The following CAND1 variants were observed in gnomAD, a reference collection of about 807,000 sequenced individuals.
CAND1 encodes the protein cullin associated and neddylation dissociated 1, also known as cullin-associated NEDD8-dissociated protein 1.
A neutral mutation model predicts 108.5 loss-of-function variants in CAND1; 7 were observed. The ratio of observed to expected loss-of-function variants is 0.06; its 90% CI spans 0.04 to 0.12. The LOEUF (loss-of-function observed/expected upper bound fraction) is 0.12. Among genes scored for constraint, CAND1 ranks in the 10% least tolerant of loss-of-function variants. The probability of loss-of-function intolerance (pLI) is 1.00; values close to 1 mark genes in which losing one functional copy is unlikely to be tolerated. For synonymous variants in CAND1, 534 were observed against 512.0 expected (o/e 1.04, Z -0.58); for missense variants, 941 against 1,448.7 (o/e 0.65, Z 5.69).
chr12:67,276,889 T>G (rs2044574784), intron 1 of CAND1, among the ~76,000 whole-genome samples: 1 of 152,190 alleles, frequency 6.6e-6, no homozygotes, highest in African/African-American at 2.4e-5. Flanking sequence ...AATTTTTGAT[T>G]TTCACATCTT....
At chr12:67,269,824 C>G (rs1291989287) in intron 1 of CAND1, 39 bp downstream of exon 1, 1 of 1,554,120 alleles carries the variant, frequency 6.4e-7, no homozygotes, top group African/African-American at 1.4e-5. Flanking sequence ...CCTCGGGGTT[C>G]TCGCAGCCGC....
chr12:67,294,494 A>C (rs2136006756), intron 3 of CAND1, among the ~76,000 whole-genome samples: 1 of 152,330 alleles, frequency 6.6e-6, no homozygotes, highest in East Asian at 1.9e-4. Flanking sequence ...ACTCAAATAG[A>C]GAAAACTCTC....
chr12:67,311,785 A>G lies in CAND1; in HGVS notation c.3453A>G (p.Ala1151=). The stretch of plus-strand genomic sequence containing the variant: ...ACCGACTTGTTGAGCCATTACGTGC[A>G]ACATGTACAACTAAGGTAAGAAATG... The part of the protein sequence containing the change: ...RLDRLVEPLR[A]TCTTKVKANS... The change falls in exon 14 of 15, where the codon GCA becomes GCG. Residue 1151 remains alanine, a synonymous_variant. Transcript: ENST00000545606. 1 of 1,599,106 alleles carries G rather than the reference A, an allele frequency of 6.3e-7. No homozygotes were observed. Among genetic ancestry groups the G allele is most frequent in the South Asian group, 1.1e-5 (1 of 90,754 alleles).
chr12:67,302,421 A>C lies in CAND1; in HGVS notation c.1099A>C (p.Met367Leu). The C allele has an allele frequency of 6.2e-7, 1 of 1,614,128 alleles. No homozygotes were observed. Among genetic ancestry groups the C allele is most frequent in the Non-Finnish European group, 8.5e-7 (1 of 1,179,986 alleles). ...LDAVVSTRHE[M>L]LPEFYKTVSP... Reference sequence around the variant, plus strand: ...TGCTGTAGTTAGCACAAGGCATGAAATGCTTCCAGAATTCTACAAGACCGT... The same window carrying C: ...TGCTGTAGTTAGCACAAGGCATGAACTGCTTCCAGAATTCTACAAGACCGT... The change falls in exon 8 of 15, where the codon ATG (methionine) becomes CTG (leucine). Residue 367 changes from methionine (M) to leucine (L), a missense_variant. By Grantham distance (15) the Met-to-Leu change is conservative. This residue lies in a region of CAND1 where 697 missense variants were observed against 942.0 expected (regional missense o/e 0.74). Coordinates refer to ENST00000545606, the MANE Select transcript of CAND1 (RefSeq NM_018448.5).
rs1274631022 is a variant in CAND1 at position 67,312,865 on chromosome 12, C to T, written c.*35C>T. 7.7e-7 allele frequency: 1 copy of T among 1,296,696 alleles called. No homozygotes were observed. Among genetic ancestry groups the T allele is most frequent in the Non-Finnish European group, 1.1e-6 (1 of 915,734 alleles). The allele number at this position is 1,296,696 out of a possible 1,614,324, so 80.3% of individuals were successfully genotyped here. On this transcript the variant is annotated 3_prime_UTR_variant, in exon 15 of 15. Transcript: ENST00000545606. ...CACCATGGGGACCATTACATATGAC[C>T]ATACAATGCACTGAATTGACAGGTT...
At chr12:67,310,427 G>T in intron 13 of CAND1, 111 bp downstream of exon 13, 2 of 755,730 alleles carry the variant, frequency 2.6e-6, no homozygotes, top group Admixed American at 2.8e-5. Context: ...TGTCTGTGAA[G>T]ATTTTGATAA....
intron 2 of CAND1, among the ~76,000 whole-genome samples, chr12:67,288,867 T>C (rs2044697115): frequency 6.6e-6 from 1 of 152,216 alleles, no homozygotes; most frequent in South Asian, 2.1e-4. Context: ...TGAAGTTTGG[T>C]CAGAGAGTCT....
rs141717189 is a variant in CAND1 at position 67,297,866 on chromosome 12, G to A, written c.854+13G>A. 1.4e-5 allele frequency: 21 copies of A among 1,490,912 alleles called. No homozygotes were observed. The highest frequency in any genetic ancestry group is 1.8e-5 in the Non-Finnish European group (20 of 1,082,078). The allele number at this position is 1,490,912 out of a possible 1,614,324, so 92.4% of individuals were successfully genotyped here. A position where few individuals can be genotyped will look rare whatever the true frequency, so the allele number is the denominator to read the frequency against. On this transcript the variant is annotated intron_variant, in intron 6 of 14. Transcript: ENST00000545606. ...CATTTGTAAGAAGGTAAGTTTTTAAGATCTCTATTTTTTACAAAAAGTTTT... is the reference window on the plus strand; with the variant it reads ...CATTTGTAAGAAGGTAAGTTTTTAAAATCTCTATTTTTTACAAAAAGTTTT...
At chr12:67,304,223 C>T (rs543117376) in intron 8 of CAND1, among the ~76,000 whole-genome samples, 1 of 152,028 alleles carries the variant, frequency 6.6e-6, no homozygotes, top group South Asian at 2.1e-4. Flanking sequence ...TTCTTGACCT[C>T]GTGATCTGCC....
chr12:67,280,544 G>A (rs763150307), intron 1 of CAND1, among the ~76,000 whole-genome samples: 1 of 152,180 alleles, frequency 6.6e-6, no homozygotes, highest in Non-Finnish European at 1.5e-5. Flanking sequence ...AAAGAAAAAA[G>A]TGTTAACTAG....
chr12:67,310,851 TA>T (rs2044941846), intron 13 of CAND1: 1 of 152,154 alleles, frequency 6.6e-6, no homozygotes, highest in Non-Finnish European at 1.5e-5. Context: ...TTTTCAGATA[TA>T]CAAAACAATC....
At chr12:67,282,089 G>A in intron 2 of CAND1, 36 bp downstream of exon 2, 1 of 1,607,060 alleles carries the variant, frequency 6.2e-7, no homozygotes, top group Non-Finnish European at 8.5e-7. Flanking sequence ...CTTTCTTCCT[G>A]CTCCCCCAAC....
At chr12:67,287,789 T>G (rs2136000674) in intron 2 of CAND1, among the ~76,000 whole-genome samples, 2 of 152,074 alleles carry the variant, frequency 1.3e-5, no homozygotes, top group East Asian at 3.9e-4. Context: ...TAAGTATGTC[T>G]TTAGCTACAT....
chr12:67,309,475 TCTTCA>T (rs1035087498), intron 11 of CAND1, among the ~76,000 whole-genome samples: 14 of 152,062 alleles, frequency 9.2e-5, no homozygotes, highest in Non-Finnish European at 1.5e-4. Flanking sequence ...AGTGGGTCTG[TCTTCA>T]CTTCATTTTT....
chr12:67,301,839 G>C (rs2136013790), intron 7 of CAND1, among the ~76,000 whole-genome samples: 1 of 152,108 alleles, frequency 6.6e-6, no homozygotes, highest in African/African-American at 2.4e-5. Flanking sequence ...CAGTGTTTTG[G>C]GATTGGTAAC....
rs1404921720 is a variant in CAND1, at chr12:67,318,894, T to C, written c.*6064T>C. The C allele has an allele frequency of 6.6e-6, 1 of 152,180 alleles. No homozygotes were observed. The highest frequency in any genetic ancestry group is 2.1e-4 in the South Asian group (1 of 4,828). The allele number at this position is 152,180 out of a possible 1,614,324, so 9.4% of individuals were successfully genotyped here. A position where few individuals can be genotyped will look rare whatever the true frequency, so the allele number is the denominator to read the frequency against. ...ACATGAGTGAGACAGAAACAATTCA[T>C]AAAGGAGATGAAATGTCTTGAGGAA... On this transcript the variant is annotated 3_prime_UTR_variant, in exon 15 of 15. Coordinates refer to ENST00000545606, the MANE Select transcript of CAND1 (RefSeq NM_018448.5).
At chr12:67,302,227 T>G in intron 7 of CAND1, 96 bp from the exon 8 acceptor site, 1 of 1,138,416 alleles carries the variant, frequency 8.8e-7, no homozygotes, top group Non-Finnish European at 1.3e-6. Flanking sequence ...AAAGTTAGAT[T>G]AACTGATTTG....
chr12:67,289,323 A>G (rs1236794938), intron 2 of CAND1, among the ~76,000 whole-genome samples: 4 of 152,072 alleles, frequency 2.6e-5, no homozygotes, highest in Admixed American at 2.6e-4. Context: ...GGTTCAAGTG[A>G]TTCTCCTGCC....
At position 67,314,143 on chromosome 12, in the gene CAND1, T is replaced by TG. The variant is rs2044983896; in HGVS notation, c.*1314dup. The TG allele has an allele frequency of 6.6e-6, 1 of 152,228 alleles. No homozygotes were observed. Among genetic ancestry groups the TG allele is most frequent in the African/African-American group, 2.4e-5 (1 of 41,468 alleles). 9.4% of individuals were successfully genotyped at this position (152,228 alleles called of 1,614,324 possible). A position where few individuals can be genotyped will look rare whatever the true frequency, so the allele number is the denominator to read the frequency against. The stretch of plus-strand genomic sequence containing the variant: ...TTCTGAAATAAAAGACATCTCCTAA[T>TG]GCTGTGCAAACATAGTTTACATGTA... On this transcript the variant is annotated 3_prime_UTR_variant, in exon 15 of 15. Coordinates refer to ENST00000545606, the MANE Select transcript of CAND1 (RefSeq NM_018448.5).
Sources: allele counts gnomAD v4.1 joint callset (sites outside exome capture counted in the v4.1 genomes callset), GRCh38; gene constraint gnomAD v4.1.1; regional missense constraint gnomAD v4.1.1; transcripts MANE v1.5; gene names NCBI Gene and HGNC (gene_info 2026-07-23, HGNC 2026-07-21).